The following SOX5 variants were observed in gnomAD, a reference collection of about 807,000 sequenced individuals.
The protein encoded by SOX5 is transcription factor SOX-5.
SOX5 carries 9 observed loss-of-function variants against 92.0 expected under a neutral mutation model. The ratio of observed to expected loss-of-function variants is 0.10; its 90% CI spans 0.06 to 0.17. SOX5 has a LOEUF of 0.17. Among genes scored for constraint, SOX5 ranks in the 10% least tolerant of loss-of-function variants. The probability of loss-of-function intolerance (pLI) is 1.00; values close to 1 mark genes in which losing one functional copy is unlikely to be tolerated. For missense variants in SOX5, 642 were observed against 944.5 expected (o/e 0.68, Z 4.20); for synonymous variants, 344 against 336.3 (o/e 1.02, Z -0.25).
intron 1 of SOX5, among the ~76,000 whole-genome samples, chr12:24,429,040 G>A (rs972977110): frequency 3.3e-5 from 5 of 151,420 alleles, no homozygotes; most frequent in Non-Finnish European, 5.9e-5. Flanking sequence ...TAGTATGGCC[G>A]GGCGCGGTGG....
At chr12:24,441,219 T>C (rs1201497627) in intron 1 of SOX5, among the ~76,000 whole-genome samples, 3 of 152,182 alleles carry the variant, frequency 2.0e-5, no homozygotes, top group African/African-American at 4.8e-5. Context: ...CCTCCTCCCA[T>C]CCTACTGCAC....
intron 7 of SOX5, among the ~76,000 whole-genome samples, chr12:23,643,509 C>T (rs1173081942): frequency 6.6e-6 from 1 of 152,144 alleles, no homozygotes; most frequent in Non-Finnish European, 1.5e-5. Context: ...TAGCATGTAT[C>T]TGGAATTTAA....
intron 10 of SOX5, among the ~76,000 whole-genome samples, chr12:23,564,719 C>T (rs568965281): frequency 3.3e-5 from 5 of 152,252 alleles, no homozygotes; most frequent in Admixed American, 2.0e-4. Flanking sequence ...GGCTAACTGC[C>T]GTGTTAGGAA....
At chr12:24,504,877 C>T (rs975065611) in intron 1 of SOX5, among the ~76,000 whole-genome samples, 2 of 152,140 alleles carry the variant, frequency 1.3e-5, no homozygotes, top group African/African-American at 4.8e-5. Flanking sequence ...GCTACTCTCA[C>T]TTTTTTTGTT....
chr12:24,448,218 A>T (rs1315225410), intron 1 of SOX5, among the ~76,000 whole-genome samples: 3 of 152,176 alleles, frequency 2.0e-5, no homozygotes, highest in Non-Finnish European at 4.4e-5. Flanking sequence ...GTCATATGAG[A>T]TGCAACTAAA....
intron 6 of SOX5, among the ~76,000 whole-genome samples, chr12:23,693,736 G>C (rs1411202019): frequency 6.6e-6 from 1 of 152,024 alleles, no homozygotes; most frequent in African/African-American, 2.4e-5. Context: ...CAAATACAAG[G>C]ACATGTTACT....
At chr12:23,613,825 A>G (rs2076244346) in intron 8 of SOX5, among the ~76,000 whole-genome samples, 1 of 152,220 alleles carries the variant, frequency 6.6e-6, no homozygotes, top group Admixed American at 6.5e-5. Flanking sequence ...TTAAATTCAT[A>G]GAGACAGAAA....
intron 2 of SOX5, among the ~76,000 whole-genome samples, chr12:24,339,153 T>C (rs572054066): frequency 8.1e-6 from 1 of 123,892 alleles, no homozygotes; most frequent in South Asian, 2.6e-4. Flanking sequence ...TCTCTCTCTC[T>C]CTCTCTCTGC....
At chr12:23,554,085 G>C (rs991328306) in intron 11 of SOX5, among the ~76,000 whole-genome samples, 3 of 152,084 alleles carry the variant, frequency 2.0e-5, no homozygotes, top group African/African-American at 7.2e-5. Flanking sequence ...AATACAGAGA[G>C]AGAAAAATAT....
chr12:24,483,923 A>G (rs1251578545), intron 1 of SOX5, among the ~76,000 whole-genome samples: 1 of 152,238 alleles, frequency 6.6e-6, no homozygotes, highest in Non-Finnish European at 1.5e-5. Flanking sequence ...ATGTAAGAAA[A>G]TGTGCTGAAT....
intron 9 of SOX5, among the ~76,000 whole-genome samples, chr12:23,594,663 A>G (rs1377566172): frequency 6.6e-6 from 1 of 152,190 alleles, no homozygotes; most frequent in Non-Finnish European, 1.5e-5. Flanking sequence ...TTTATCTTTA[A>G]AAATGAATAT....
At chr12:24,488,750 C>A (rs1946765909) in intron 1 of SOX5, among the ~76,000 whole-genome samples, 1 of 152,130 alleles carries the variant, frequency 6.6e-6, no homozygotes, top group Admixed American at 6.6e-5. Flanking sequence ...CACTCTTACC[C>A]AGACTCTTAA....
chr12:23,734,778 T>G (rs745835669), intron 5 of SOX5, 26 bp from the exon 6 acceptor site: 5 of 1,594,154 alleles, frequency 3.1e-6, no homozygotes, highest in Non-Finnish European at 4.3e-6. Flanking sequence ...ACATGAGAAA[T>G]TTACAAGTAT....
In SOX5 at chr12:23,534,124, A is replaced by G; in HGVS notation, c.*95T>C. 1 of 955,346 alleles carries G rather than the reference A, an allele frequency of 1.0e-6. No homozygotes were observed. Among genetic ancestry groups the G allele is most frequent in the East Asian group, 2.4e-5 (1 of 41,524 alleles). The allele number at this position is 955,346 out of a possible 1,614,324, so 59.2% of individuals were successfully genotyped here. A position where few individuals can be genotyped will look rare whatever the true frequency, so the allele number is the denominator to read the frequency against. On this transcript the variant is annotated 3_prime_UTR_variant, in exon 15 of 15. Coordinates refer to ENST00000451604, the MANE Select transcript of SOX5 (RefSeq NM_006940.6). ...AAGACTAACAGTTAAAGTAACAGTC[A>G]GTGTATGAGAAAGTTAATGTGCTTG...
chr12:24,174,523 C>A (rs1451858751), intron 4 of SOX5, among the ~76,000 whole-genome samples: 1 of 151,966 alleles, frequency 6.6e-6, no homozygotes, highest in Non-Finnish European at 1.5e-5. Flanking sequence ...GGGGGGGGAA[C>A]CCACAAAACA....
chr12:24,254,465 T>C (rs1355874837), intron 3 of SOX5, among the ~76,000 whole-genome samples: 1 of 151,376 alleles, frequency 6.6e-6, no homozygotes, highest in East Asian at 1.9e-4. Flanking sequence ...TCCTTACCCA[T>C]GCTCCAAACA....
At chr12:24,540,833 A>G (rs1184747423) in intron 1 of SOX5, among the ~76,000 whole-genome samples, 1 of 152,194 alleles carries the variant, frequency 6.6e-6, no homozygotes, top group East Asian at 1.9e-4. Context: ...TGTACTTTGC[A>G]ATCATACCCT....
intron 9 of SOX5, among the ~76,000 whole-genome samples, chr12:23,599,557 G>A (rs983264538): frequency 2.6e-5 from 4 of 152,262 alleles, no homozygotes; most frequent in South Asian, 4.2e-4. Context: ...ACTGTTCTTG[G>A]CTGCTGCAGG....
At chr12:24,092,566 T>C (rs1004483743) in intron 4 of SOX5, among the ~76,000 whole-genome samples, 2 of 152,212 alleles carry the variant, frequency 1.3e-5, no homozygotes, top group African/African-American at 2.4e-5. Context: ...AGAAACTGGT[T>C]AGACCTAAGT....
Sources: allele counts gnomAD v4.1 joint callset (sites outside exome capture counted in the v4.1 genomes callset), GRCh38; gene constraint gnomAD v4.1.1; transcripts MANE v1.5; gene names NCBI Gene and HGNC (gene_info 2026-07-23, HGNC 2026-07-21).